Variants in RMDN2 observed in about 807,000 individuals in gnomAD.
RMDN2 encodes the protein regulator of microtubule dynamics 2.
RMDN2 carries 61 observed loss-of-function variants against 52.8 expected under a neutral mutation model. The ratio of observed to expected loss-of-function variants is 1.16; its 90% CI spans 0.94 to 1.43. RMDN2 has a LOEUF of 1.43. Ranked by LOEUF, RMDN2 falls within the 40% of genes most tolerant of loss-of-function variation. RMDN2 has a pLI of 0.00. For missense variants in RMDN2, 592 were observed against 475.3 expected, an observed-to-expected ratio of 1.25 and a Z score of -2.28; for synonymous variants, 180 against 153.1, an observed-to-expected ratio of 1.18 and a Z score of -1.30.
At chr2:38,050,334 A>C (rs1681513372) in intron 10 of RMDN2, among the ~76,000 whole-genome samples, 1 of 151,468 alleles carries the variant, frequency 6.6e-6, no homozygotes, top group African/African-American at 2.4e-5. Flanking sequence ...ACACATGCCT[A>C]AGTATCCCCT....
chr2:37,924,663 G>C (rs932624579), upstream of RMDN2, among the ~76,000 whole-genome samples: 1 of 152,160 alleles, frequency 6.6e-6, no homozygotes, highest in South Asian at 2.1e-4. Flanking sequence ...CACCGCGCCC[G>C]GCCCAGTTTT....
At position 37,956,987 on chromosome 2, in the gene RMDN2, A is replaced by G. The variant is rs564533999; in HGVS notation, c.453-17053A>G. 1.4e-4 allele frequency among the ~76,000 whole-genome samples: 21 copies of G among 152,206 alleles called. No individual in the cohort carries two copies. In the South Asian group the frequency reaches 4.1e-3, roughly 30 times the overall value. ...ATGTCCCTGCAAAGGACATGAACTC[A>G]TTCTTTTTTATGGTTGCATAGTATT... On this transcript the variant is annotated intron_variant, in intron 2 of 10. Coordinates refer to ENST00000354545, the MANE Select transcript of RMDN2 (RefSeq NM_001170791.3).
chr2:38,020,731 C>A (rs974972850), downstream of RMDN2, among the ~76,000 whole-genome samples: 1 of 152,212 alleles, frequency 6.6e-6, no homozygotes, highest in Non-Finnish European at 1.5e-5. Flanking sequence ...TCTCACCAGG[C>A]CTTAGCTGCC....
intron 10 of RMDN2, among the ~76,000 whole-genome samples, chr2:38,026,382 A>G (rs1276386916): frequency 6.6e-6 from 1 of 152,074 alleles, no homozygotes; most frequent in Non-Finnish European, 1.5e-5. Flanking sequence ...TACAGGTAAC[A>G]TTATAACCAA....
At chr2:38,038,716 G>A (rs1457463105) in intron 10 of RMDN2, among the ~76,000 whole-genome samples, 1 of 152,204 alleles carries the variant, frequency 6.6e-6, no homozygotes, top group Non-Finnish European at 1.5e-5. Context: ...GGAATAGAAG[G>A]TGGGTTGATT....
At chr2:38,027,387 G>T (rs1277375288) in intron 10 of RMDN2, 1 of 152,052 alleles carries the variant, frequency 6.6e-6, no homozygotes, top group African/African-American at 2.4e-5. Context: ...GATTTTGAAA[G>T]CCAGAAGTTG....
In RMDN2 at chr2:38,027,721, C is replaced by T. The variant is rs547702096; in HGVS notation, c.1713+23505C>T. 2.0e-5 allele frequency among the ~76,000 whole-genome samples: 3 copies of T among 152,184 alleles called. No homozygotes were observed. In the East Asian group the frequency reaches 5.8e-4, roughly 29 times the overall value. On this transcript the variant is annotated intron_variant, in intron 10 of 10. Transcript: ENST00000234195. ...ATGTGGAGAGTTAAATTATACTTTT[C>T]CTCCTTCTTGAATACTTTATATTTA...
At chr2:37,972,116 A>T (rs1009796533) in intron 2 of RMDN2, among the ~76,000 whole-genome samples, 2 of 152,180 alleles carry the variant, frequency 1.3e-5, no homozygotes, top group African/African-American at 4.8e-5. Context: ...AGGTCACTGC[A>T]AATTGAATAT....
intron 2 of RMDN2, among the ~76,000 whole-genome samples, chr2:37,936,852 A>C (rs1404063405): frequency 6.6e-6 from 1 of 152,076 alleles, no homozygotes; most frequent in Admixed American, 6.5e-5. Flanking sequence ...GTGCCTGTTC[A>C]CTCTGATGAT....
chr2:37,985,688 A>C (rs1673914770), intron 5 of RMDN2, among the ~76,000 whole-genome samples: 1 of 152,186 alleles, frequency 6.6e-6, no homozygotes, highest in Non-Finnish European at 1.5e-5. Flanking sequence ...AGAACACAAA[A>C]TTAGAAGTAA....
intron 10 of RMDN2, among the ~76,000 whole-genome samples, chr2:38,056,444 C>G (rs1435932860): frequency 6.6e-6 from 1 of 152,200 alleles, no homozygotes; most frequent in Non-Finnish European, 1.5e-5. Flanking sequence ...ATGAACACCT[C>G]TGCATCAGGG....
At chr2:38,043,385 A>G (rs548563277) in intron 10 of RMDN2, among the ~76,000 whole-genome samples, 2 of 152,216 alleles carry the variant, frequency 1.3e-5, no homozygotes, top group South Asian at 2.1e-4. Context: ...GTGTCTTTAT[A>G]TTTAGTGTAG....
chr2:38,025,820 T>A (rs371282605), intron 10 of RMDN2, among the ~76,000 whole-genome samples: 1 of 152,152 alleles, frequency 6.6e-6, no homozygotes, highest in African/African-American at 2.4e-5. Context: ...TTAGTCCTAA[T>A]GTGTTATTCT....
At chr2:37,948,754 A>G (rs1203792876) in intron 2 of RMDN2, among the ~76,000 whole-genome samples, 5 of 152,166 alleles carry the variant, frequency 3.3e-5, no homozygotes, top group Admixed American at 1.3e-4. Flanking sequence ...CTTCTTCCTC[A>G]TCCCCCAAAT....
rs765518901 is a variant in RMDN2, at chr2:38,017,237, T to G, written c.1231T>G (p.Ter411GluextTer18). The G allele has an allele frequency of 1.3e-6, 2 of 1,531,040 alleles. No homozygotes were observed. The highest frequency in any genetic ancestry group is 2.5e-5 in the South Asian group (2 of 80,256). The allele number at this position is 1,531,040 out of a possible 1,614,324, so 94.8% of individuals were successfully genotyped here. Residue 411 changes from the stop codon to glutamate (E), a stop_lost, in exon 11 of 11, where the codon TAA becomes GAA. Transcript: ENST00000354545. ...MQKIMTSLKR[*>E] ...AAAAATAATGACTTCCTTGAAGAGG[T>G]AAATAAACGAATTTACTCTTCAACA...
chr2:37,952,671 T>G, intron 2 of RMDN2: 1 of 167,122 alleles, frequency 6.0e-6, no homozygotes. Context: ...TCAGCCTTGC[T>G]AGCTATATTT....
chr2:38,062,302 G>T (rs572807168), intron 10 of RMDN2, among the ~76,000 whole-genome samples: 1 of 152,132 alleles, frequency 6.6e-6, no homozygotes, highest in Non-Finnish European at 1.5e-5. Context: ...AGAGGCTGTC[G>T]TAGCAATGGA....
intron 10 of RMDN2, among the ~76,000 whole-genome samples, chr2:38,037,122 A>G (rs1013136301): frequency 5.3e-5 from 8 of 152,198 alleles, no homozygotes; most frequent in Non-Finnish European, 4.4e-5. Context: ...ACACTTTGCT[A>G]CCTGGATGAA....
chr2:37,962,781 G>A (rs1383539171), intron 2 of RMDN2, among the ~76,000 whole-genome samples: 2 of 152,110 alleles, frequency 1.3e-5, no homozygotes, highest in African/African-American at 4.8e-5. Flanking sequence ...CTCAGTGTCT[G>A]CTCAAACGGC....
Sources: gnomAD v4.1 joint callset for allele counts (sites outside exome capture counted in the v4.1 genomes callset) on GRCh38, gnomAD v4.1.1 for gene constraint, MANE v1.5 for transcripts, NCBI Gene and HGNC (gene_info 2026-07-23, HGNC 2026-07-21) for gene names.